The following ZBTB20 variants were observed in gnomAD, a reference collection of about 807,000 sequenced individuals.
ZBTB20 encodes zinc finger and BTB domain-containing protein 20.
Under a neutral mutation model 56.9 loss-of-function variants are expected in ZBTB20, and 9 were observed. The observed-to-expected ratio is 0.16, with a 90% CI of 0.10 to 0.28. The LOEUF (loss-of-function observed/expected upper bound fraction) is 0.28. Ranked by LOEUF, ZBTB20 falls within the 10% of genes least tolerant of loss-of-function variation. The pLI is 1.00. For missense variants in ZBTB20, 655 were observed against 1,003.0 expected (o/e 0.65, Z 4.69); for synonymous variants, 417 against 420.7 (o/e 0.99, Z 0.11).
chr3:114,543,238 CT>C (rs997572973), intron 6 of ZBTB20, among the ~76,000 whole-genome samples: 212 of 151,596 alleles, frequency 1.4e-3, no homozygotes, highest in African/African-American at 4.5e-3. Context: ...TTTAATTTGT[CT>C]TTTTTTTGGT....
At chr3:114,367,966 G>A (rs969436826) in intron 10 of ZBTB20, among the ~76,000 whole-genome samples, 6 of 152,228 alleles carry the variant, frequency 3.9e-5, no homozygotes, top group African/African-American at 9.6e-5. Flanking sequence ...AGCCTCAGTC[G>A]TTCTCAGGGG....
At chr3:115,078,506 C>G (rs1455968710) in intron 1 of ZBTB20, among the ~76,000 whole-genome samples, 2 of 151,496 alleles carry the variant, frequency 1.3e-5, no homozygotes, top group African/African-American at 4.9e-5. Context: ...AAATTACAGA[C>G]GATTATTTTA....
chr3:114,530,414 A>T (rs2047712296), intron 6 of ZBTB20, among the ~76,000 whole-genome samples: 1 of 152,216 alleles, frequency 6.6e-6, no homozygotes, highest in Admixed American at 6.5e-5. Context: ...AATAGGCTAT[A>T]TCATATAGCC....
intron 3 of ZBTB20, among the ~76,000 whole-genome samples, chr3:114,954,093 T>C (rs1414967682): frequency 6.6e-6 from 1 of 152,174 alleles, no homozygotes; most frequent in Non-Finnish European, 1.5e-5. Context: ...GATCTCACTG[T>C]GAAAGTGCAG....
At chr3:115,039,795 C>T (rs1050754663) in intron 2 of ZBTB20, among the ~76,000 whole-genome samples, 2 of 151,916 alleles carry the variant, frequency 1.3e-5, no homozygotes, top group African/African-American at 2.4e-5. Context: ...TTGGGGCTTG[C>T]GTAGTGGGGA....
At chr3:115,117,812 G>A (rs569335972) in intron 1 of ZBTB20, among the ~76,000 whole-genome samples, 3 of 152,070 alleles carry the variant, frequency 2.0e-5, no homozygotes, top group African/African-American at 7.2e-5. Flanking sequence ...TATAGTAAAA[G>A]GAGGAATAAT....
intron 6 of ZBTB20, among the ~76,000 whole-genome samples, chr3:114,556,761 G>A (rs918489715): frequency 6.6e-6 from 1 of 151,998 alleles, no homozygotes; most frequent in Non-Finnish European, 1.5e-5. Flanking sequence ...TGGGACTTAA[G>A]ACACTTTCCT....
At chr3:114,655,638 AT>A (rs1294776007) in intron 6 of ZBTB20, among the ~76,000 whole-genome samples, 2 of 151,852 alleles carry the variant, frequency 1.3e-5, no homozygotes, top group African/African-American at 4.8e-5. Context: ...CTTTTTTGTT[AT>A]TTTTTAGCAG....
intron 1 of ZBTB20, among the ~76,000 whole-genome samples, chr3:115,115,599 G>T (rs77249931): frequency 1.3e-5 from 2 of 152,016 alleles, no homozygotes; most frequent in African/African-American, 4.8e-5. Context: ...AGCAGTATTT[G>T]CTGACAAATG....
At chr3:114,435,525 C>T (rs182228639) in intron 7 of ZBTB20, among the ~76,000 whole-genome samples, 19 of 152,300 alleles carry the variant, frequency 1.2e-4, no homozygotes, top group African/African-American at 3.8e-4. Flanking sequence ...CTGTGCTCCT[C>T]ACCATGCCTT....
At chr3:115,013,106 G>GA (rs1382549281) in intron 2 of ZBTB20, among the ~76,000 whole-genome samples, 1 of 151,326 alleles carries the variant, frequency 6.6e-6, no homozygotes, top group Non-Finnish European at 1.5e-5. Flanking sequence ...GTACTTACAT[G>GA]AAAAAATAGA....
At chr3:114,769,904 C>T (rs896725814) in intron 5 of ZBTB20, among the ~76,000 whole-genome samples, 2 of 150,440 alleles carry the variant, frequency 1.3e-5, no homozygotes, top group African/African-American at 4.9e-5. Context: ...AATAAAAATA[C>T]AAAAATTAGC....
intron 6 of ZBTB20, among the ~76,000 whole-genome samples, chr3:114,605,804 GA>G (rs2057099747): frequency 6.6e-6 from 1 of 151,946 alleles, no homozygotes; most frequent in Non-Finnish European, 1.5e-5. Context: ...TGAGAGGATA[GA>G]AAGGGATTCT....
At chr3:114,920,037 T>C (rs2075897556) in intron 3 of ZBTB20, among the ~76,000 whole-genome samples, 2 of 152,166 alleles carry the variant, frequency 1.3e-5, no homozygotes, top group Admixed American at 6.5e-5. Flanking sequence ...AAGAAGGTCA[T>C]TAAATGATAA....
chr3:114,409,550 C>T (rs909510858), intron 7 of ZBTB20, among the ~76,000 whole-genome samples: 4 of 151,896 alleles, frequency 2.6e-5, no homozygotes, highest in Admixed American at 6.6e-5. Flanking sequence ...AAACACTCCA[C>T]GAAGGCCACA....
intron 1 of ZBTB20, among the ~76,000 whole-genome samples, chr3:115,088,847 T>C (rs1188350602): frequency 2.0e-5 from 3 of 151,836 alleles, no homozygotes; most frequent in East Asian, 1.9e-4. Flanking sequence ...ACAATGGATA[T>C]GCCATGAAAT....
In ZBTB20 at chr3:114,453,404, A is replaced by G. The variant is rs2091761934; in HGVS notation, c.-255+46948T>C. Among the ~76,000 whole-genome samples, 4 of 152,188 alleles carry G rather than the reference A, an allele frequency of 2.6e-5. No individual in the cohort carries two copies. The East Asian group carries it at 7.7e-4, about 29-fold the overall frequency. On this transcript the variant is annotated intron_variant, in intron 7 of 11. Transcript: ENST00000675478. The stretch of plus-strand genomic sequence containing the variant: ...ATAACTGACAAGTGACACAAGTGGT[A>G]CCTTTTAAACAGATGGATGCAAAAA...
At chr3:114,520,733 AC>A (rs907223266) in intron 6 of ZBTB20, among the ~76,000 whole-genome samples, 1 of 152,102 alleles carries the variant, frequency 6.6e-6, no homozygotes, top group Non-Finnish European at 1.5e-5. Context: ...TTGACCTCTA[AC>A]CCTTTATATC....
At chr3:114,532,100 T>A (rs1382927368) in intron 6 of ZBTB20, among the ~76,000 whole-genome samples, 1 of 152,160 alleles carries the variant, frequency 6.6e-6, no homozygotes. Context: ...GAATTATTTT[T>A]CATACCCCAG....
Sources: gnomAD v4.1 joint callset for allele counts (sites outside exome capture counted in the v4.1 genomes callset) on GRCh38, gnomAD v4.1.1 for gene constraint, MANE v1.5 for transcripts, NCBI Gene and HGNC (gene_info 2026-07-23, HGNC 2026-07-21) for gene names.